The following MACROD2 variants were observed in gnomAD, a reference collection of about 807,000 sequenced individuals.
The protein encoded by MACROD2 is mono-ADP ribosylhydrolase 2, also known as ADP-ribose glycohydrolase MACROD2.
MACROD2 carries 36 observed loss-of-function variants against 70.4 expected under a neutral mutation model. That is an observed-to-expected ratio of 0.51 (90% CI 0.39 to 0.68). MACROD2 has a LOEUF of 0.68. MACROD2 is among the 30% of genes least tolerant of loss of function. The pLI is 0.00. For synonymous variants in MACROD2, 172 were observed against 178.8 expected (o/e 0.96, Z 0.30); for missense variants, 496 against 538.4 (o/e 0.92, Z 0.78).
chr20:14,152,336 G>C lies in MACROD2; in HGVS notation c.271+66608G>C, dbSNP rs1176947980. 2.0e-5 allele frequency among the ~76,000 whole-genome samples: 3 copies of C among 152,054 alleles called. No homozygotes were observed. In the East Asian group the frequency reaches 5.8e-4, roughly 29 times the overall value. On this transcript the variant is annotated intron_variant, in intron 3 of 17. Transcript: ENST00000684519. ...ACAATCTAGTCTATCATATTTGACAGTAGTATTTCTCTAGTGCTTTGAATA... is the reference window on the plus strand; with the variant it reads ...ACAATCTAGTCTATCATATTTGACACTAGTATTTCTCTAGTGCTTTGAATA...
intron 3 of MACROD2, among the ~76,000 whole-genome samples, chr20:14,240,524 A>G (rs1183123345): frequency 6.6e-6 from 1 of 152,178 alleles, no homozygotes; most frequent in East Asian, 1.9e-4. Context: ...AATGGATGAG[A>G]TCATGTCCTT....
intron 8 of MACROD2, among the ~76,000 whole-genome samples, chr20:15,639,936 A>C (rs905718664): frequency 6.6e-5 from 10 of 151,578 alleles, no homozygotes; most frequent in Admixed American, 1.3e-4. Flanking sequence ...AGAGAGAGGC[A>C]GAAAAGGAGA....
chr20:15,359,447 T>A (rs936824926), intron 6 of MACROD2, among the ~76,000 whole-genome samples: 1 of 151,924 alleles, frequency 6.6e-6, no homozygotes, highest in Non-Finnish European at 1.5e-5. Flanking sequence ...AGCTTAAGGA[T>A]TGTTTAAAAG....
intron 6 of MACROD2, among the ~76,000 whole-genome samples, chr20:15,370,115 CA>C (rs1211692488): frequency 6.6e-6 from 1 of 152,044 alleles, no homozygotes; most frequent in Non-Finnish European, 1.5e-5. Flanking sequence ...TTTACATTTC[CA>C]TTTTTAAGAA....
chr20:14,187,957 A>C (rs1299619940), intron 3 of MACROD2, among the ~76,000 whole-genome samples: 1 of 152,180 alleles, frequency 6.6e-6, no homozygotes, highest in African/African-American at 2.4e-5. Context: ...GAGGAGGTTC[A>C]GATTCAGACT....
intron 9 of MACROD2, among the ~76,000 whole-genome samples, chr20:15,872,016 A>G (rs1031226002): frequency 6.6e-6 from 1 of 152,324 alleles, no homozygotes; most frequent in East Asian, 1.9e-4. Flanking sequence ...TAAATTGACC[A>G]AAGTCACATA....
chr20:15,340,598 G>C (rs1225811654), intron 6 of MACROD2, among the ~76,000 whole-genome samples: 1 of 152,102 alleles, frequency 6.6e-6, no homozygotes, highest in Non-Finnish European at 1.5e-5. Context: ...TATTGAAATT[G>C]AATCAAATGT....
intron 5 of MACROD2, among the ~76,000 whole-genome samples, chr20:15,054,212 G>T (rs2075464961): frequency 1.3e-5 from 2 of 152,194 alleles, no homozygotes; most frequent in Non-Finnish European, 2.9e-5. Context: ...AAAAGTAGTG[G>T]CAGGGTTTGA....
At chr20:15,180,784 C>T (rs187859425) in intron 5 of MACROD2, among the ~76,000 whole-genome samples, 1 of 152,228 alleles carries the variant, frequency 6.6e-6, no homozygotes, top group Admixed American at 6.5e-5. Context: ...AGCCACTGCA[C>T]ATGGCCAGCA....
intron 3 of MACROD2, among the ~76,000 whole-genome samples, chr20:14,258,150 G>A (rs1394261792): frequency 6.6e-6 from 1 of 152,104 alleles, no homozygotes; most frequent in Non-Finnish European, 1.5e-5. Flanking sequence ...GGGCATTTGG[G>A]TTGGTTCCAT....
chr20:15,166,922 T>C (rs1237417692), intron 5 of MACROD2, among the ~76,000 whole-genome samples: 1 of 148,998 alleles, frequency 6.7e-6, no homozygotes, highest in East Asian at 2.0e-4. Flanking sequence ...TTAATTTAAG[T>C]ATTAAATTTA....
chr20:15,131,427 C>T (rs568293868), intron 5 of MACROD2, among the ~76,000 whole-genome samples: 3 of 151,982 alleles, frequency 2.0e-5, no homozygotes, highest in African/African-American at 7.2e-5. Context: ...GAAAAATAAA[C>T]AAGTCACTTA....
intron 8 of MACROD2, among the ~76,000 whole-genome samples, chr20:15,560,237 C>T (rs1340779340): frequency 6.6e-6 from 1 of 152,194 alleles, no homozygotes; most frequent in Non-Finnish European, 1.5e-5. Context: ...CCAAATTTGA[C>T]TCCCATCTCT....
At chr20:14,462,877 C>G (rs1263055943) in intron 3 of MACROD2, among the ~76,000 whole-genome samples, 2 of 151,932 alleles carry the variant, frequency 1.3e-5, no homozygotes, top group Non-Finnish European at 2.9e-5. Flanking sequence ...GGGCTCTGTT[C>G]TGTTCCATTG....
intron 3 of MACROD2, among the ~76,000 whole-genome samples, chr20:14,243,267 T>C (rs766756188): frequency 2.6e-5 from 4 of 152,216 alleles, no homozygotes; most frequent in Admixed American, 1.3e-4. Flanking sequence ...TTCTTATACA[T>C]TTAGTTTGAA....
chr20:15,572,257 T>C (rs746971889), intron 8 of MACROD2, among the ~76,000 whole-genome samples: 2 of 152,098 alleles, frequency 1.3e-5, no homozygotes, highest in Admixed American at 6.6e-5. Flanking sequence ...CTCATATGAA[T>C]CAGTGTTCAC....
chr20:15,242,774 T>C (rs1011306810), intron 6 of MACROD2, among the ~76,000 whole-genome samples: 4 of 152,194 alleles, frequency 2.6e-5, no homozygotes, highest in African/African-American at 9.7e-5. Flanking sequence ...ATTAAAAATA[T>C]TTGCTTACAG....
At chr20:14,542,924 A>G (rs1012742552) in intron 4 of MACROD2, among the ~76,000 whole-genome samples, 1 of 146,194 alleles carries the variant, frequency 6.8e-6, no homozygotes, top group Non-Finnish European at 1.5e-5. Flanking sequence ...ACAATTTTAC[A>G]TAATGAATTA....
intron 5 of MACROD2, among the ~76,000 whole-genome samples, chr20:14,718,292 CAAAAAAAAAAAAAA>C (rs11358439): frequency 7.1e-4 from 39 of 54,650 alleles, no homozygotes; most frequent in Middle Eastern, 0.04. Flanking sequence ...GACTCTGTCT[CAAAAAAAAAAAAAA>C]AAAAAAAAAA....
Sources: gnomAD v4.1 joint callset for allele counts (sites outside exome capture counted in the v4.1 genomes callset) on GRCh38, gnomAD v4.1.1 for gene constraint, MANE v1.5 for transcripts, NCBI Gene and HGNC (gene_info 2026-07-23, HGNC 2026-07-21) for gene names.